The following CCDC192 variants were observed in gnomAD, a reference collection of about 807,000 sequenced individuals.
The protein encoded by CCDC192 is coiled-coil domain-containing protein 192.
intron 3 of CCDC192, among the ~76,000 whole-genome samples, chr5:127,766,507 G>A (rs995531130): frequency 6.6e-6 from 1 of 150,906 alleles, no homozygotes. Context: ...CAGGCCATGG[G>A]ACTTCTGTGG....
intron 2 of CCDC192, chr5:127,739,461 G>A (rs1041188465): frequency 6.5e-6 from 1 of 154,590 alleles, no homozygotes; most frequent in African/African-American, 2.4e-5. Context: ...GCTCCACCCA[G>A]TTAGAGCTTC....
At chr5:127,873,052 G>A (rs1469207461) in intron 5 of CCDC192, among the ~76,000 whole-genome samples, 1 of 152,130 alleles carries the variant, frequency 6.6e-6, no homozygotes, top group Non-Finnish European at 1.5e-5. Context: ...TGTCCACTGA[G>A]TTCCTGCATT....
chr5:127,718,700 C>G (rs1751783094), intron 2 of CCDC192, among the ~76,000 whole-genome samples: 1 of 152,222 alleles, frequency 6.6e-6, no homozygotes, highest in Non-Finnish European at 1.5e-5. Flanking sequence ...TCAGGGAAGA[C>G]TGGGCAAGGG....
At chr5:127,787,381 C>G (rs1430065730) in intron 3 of CCDC192, among the ~76,000 whole-genome samples, 1 of 152,176 alleles carries the variant, frequency 6.6e-6, no homozygotes, top group Non-Finnish European at 1.5e-5. Flanking sequence ...GCCCAGGCCT[C>G]CTCCTCCTGC....
chr5:127,897,498 A>G (rs1752926686), intron 6 of CCDC192, among the ~76,000 whole-genome samples: 1 of 152,212 alleles, frequency 6.6e-6, no homozygotes, highest in Non-Finnish European at 1.5e-5. Context: ...CTTATGACAG[A>G]GCAATTCTTG....
At chr5:127,745,364 T>C (rs1459759797) in intron 2 of CCDC192, among the ~76,000 whole-genome samples, 1 of 152,214 alleles carries the variant, frequency 6.6e-6, no homozygotes, top group Middle Eastern at 3.2e-3. Context: ...TTCTTTTAAA[T>C]TATCCAATGA....
intron 6 of CCDC192, among the ~76,000 whole-genome samples, chr5:127,932,611 T>C (rs1754068601): frequency 6.6e-6 from 1 of 152,188 alleles, no homozygotes; most frequent in Non-Finnish European, 1.5e-5. Context: ...GATACAGCAA[T>C]TGTAACCTTC....
At chr5:127,940,047 A>G (rs1009803354) in intron 6 of CCDC192, among the ~76,000 whole-genome samples, 2 of 152,220 alleles carry the variant, frequency 1.3e-5, no homozygotes, top group African/African-American at 4.8e-5. Flanking sequence ...GCTAAAGGCT[A>G]GTAAGATGGA....
rs996311608 is a variant in CCDC192 at position 127,738,200 on chromosome 5, G to A, written c.115-16068G>A. On this transcript the variant is annotated intron_variant, in intron 2 of 6. Coordinates refer to ENST00000514853, the MANE Select transcript of CCDC192 (RefSeq NM_001317938.2). Reference sequence around the variant, plus strand: ...CTCCTTCACTTATGAAGCTTAGATTGGCTGGATATGAAATTCTGGGTTGAA... The same window carrying A: ...CTCCTTCACTTATGAAGCTTAGATTAGCTGGATATGAAATTCTGGGTTGAA... Among the ~76,000 whole-genome samples the A allele has an allele frequency of 6.2e-3, 929 of 150,868 alleles. 8 individuals are homozygous for A. The highest frequency in any genetic ancestry group is 0.021 in the African/African-American group (874 of 40,868).
intron 2 of CCDC192, among the ~76,000 whole-genome samples, chr5:127,731,073 C>A (rs1752613061): frequency 1.3e-5 from 2 of 152,158 alleles, no homozygotes; most frequent in Non-Finnish European, 2.9e-5. Context: ...GGAAGCCAAA[C>A]TGTCTCTATT....
At chr5:127,928,362 G>A (rs997498464) in intron 6 of CCDC192, among the ~76,000 whole-genome samples, 2 of 152,012 alleles carry the variant, frequency 1.3e-5, no homozygotes, top group Non-Finnish European at 2.9e-5. Context: ...TCTTCTTTAG[G>A]CCACTTACAT....
rs1251502415 is a variant in CCDC192 at position 127,930,965 on chromosome 5, GC to G, written c.536-10216del. Among the ~76,000 whole-genome samples the G allele has an allele frequency of 3.3e-5, 5 of 152,350 alleles. No individual in the cohort carries two copies. The East Asian group carries it at 9.6e-4, about 29-fold the overall frequency. On this transcript the variant is annotated intron_variant, in intron 6 of 6. Coordinates refer to ENST00000514853, the MANE Select transcript of CCDC192 (RefSeq NM_001317938.2). ...CACCCTGCCAGCCTTTCCTGTGCTA[GC>G]AAAGATGTGTATGCAAACATCTTTC...
chr5:127,753,102 C>T lies in CCDC192; in HGVS notation c.115-1166C>T, dbSNP rs985505973. ...GTCGCTCAGGCTGGGAGCTGTGGAC[C>T]GGAGCTGTTCCTATTCGGCCATCTT... is the stretch of plus-strand genomic sequence containing the variant. On this transcript the variant is annotated intron_variant, in intron 2 of 6. Transcript: ENST00000514853. Among the ~76,000 whole-genome samples, 13 of 152,198 alleles carry T rather than the reference C, an allele frequency of 8.5e-5. No individual in the cohort carries two copies. In the South Asian group the frequency reaches 1.0e-3, roughly 12 times the overall value.
chr5:127,918,801 G>A (rs1318748471), intron 6 of CCDC192, among the ~76,000 whole-genome samples: 3 of 151,854 alleles, frequency 2.0e-5, no homozygotes, highest in Non-Finnish European at 2.9e-5. Flanking sequence ...GTATATATGC[G>A]TGTGTGTATG....
intron 2 of CCDC192, among the ~76,000 whole-genome samples, chr5:127,737,866 A>G (rs370752923): frequency 9.6e-4 from 146 of 151,934 alleles, no homozygotes; most frequent in African/African-American, 2.2e-3. Flanking sequence ...CACACTGATG[A>G]GTCTTGACTC....
intron 3 of CCDC192, among the ~76,000 whole-genome samples, chr5:127,772,891 G>A (rs1366702695): frequency 6.6e-6 from 1 of 152,090 alleles, no homozygotes; most frequent in African/African-American, 2.4e-5. Flanking sequence ...ATCTGCTACA[G>A]TTAAGGTTTA....
At chr5:127,771,026 C>A (rs1285658374) in intron 3 of CCDC192, among the ~76,000 whole-genome samples, 1 of 152,094 alleles carries the variant, frequency 6.6e-6, no homozygotes, top group Non-Finnish European at 1.5e-5. Flanking sequence ...TATCTAGGTT[C>A]TTTCAATTAT....
chr5:127,797,991 A>G (rs1757275399), intron 4 of CCDC192, 115 bp from the exon 5 acceptor site: 1 of 392,022 alleles, frequency 2.6e-6, no homozygotes, highest in African/African-American at 2.1e-5. Flanking sequence ...AACGTAGCTG[A>G]AATAATGCTG....
chr5:127,720,269 C>G (rs1288526644), intron 2 of CCDC192, among the ~76,000 whole-genome samples: 1 of 152,172 alleles, frequency 6.6e-6, no homozygotes, highest in African/African-American at 2.4e-5. Context: ...AAAAATCAGC[C>G]CAAACAAAGG....
Sources: allele counts gnomAD v4.1 joint callset (sites outside exome capture counted in the v4.1 genomes callset), GRCh38; gene constraint gnomAD v4.1.1; transcripts MANE v1.5; gene names NCBI Gene and HGNC (gene_info 2026-07-23, HGNC 2026-07-21).